WAPL: variants seen among roughly 807,000 people sequenced by gnomAD.
WAPL encodes wings apart-like protein homolog.
Under a neutral mutation model 121.0 loss-of-function variants are expected in WAPL, and 5 were observed. The ratio of observed to expected loss-of-function variants is 0.04; its 90% CI spans 0.02 to 0.09. The LOEUF (loss-of-function observed/expected upper bound fraction) is 0.09. Ranked by LOEUF, WAPL falls within the 10% of genes least tolerant of loss-of-function variation. The pLI is 1.00. For missense variants in WAPL, 999 were observed against 1,410.8 expected (o/e 0.71, Z 4.68); for synonymous variants, 480 against 481.5 (o/e 1.00, Z 0.04).
intron 4 of WAPL, among the ~76,000 whole-genome samples, chr10:86,481,213 GA>G (rs1841775585): frequency 6.6e-6 from 1 of 151,720 alleles, no homozygotes; most frequent in Admixed American, 6.6e-5. Flanking sequence ...GAGGAAGACA[GA>G]AACTAAAGAA....
intron 14 of WAPL, among the ~76,000 whole-genome samples, chr10:86,452,836 T>G (rs956616705): frequency 1.3e-4 from 20 of 151,546 alleles, no homozygotes; most frequent in Middle Eastern, 6.8e-3. Context: ...GGCCAGGAGT[T>G]TGAAACCAGC....
chr10:86,506,423 C>A (rs1047455690), intron 2 of WAPL, among the ~76,000 whole-genome samples: 20 of 152,076 alleles, frequency 1.3e-4, no homozygotes, highest in African/African-American at 4.3e-4. Context: ...TTTTATTTTA[C>A]AATTTAAAAA....
chr10:86,467,577 A>G, intron 8 of WAPL, 71 bp from the exon 9 acceptor site: 1 of 1,099,138 alleles, frequency 9.1e-7, no homozygotes, highest in Non-Finnish European at 1.3e-6. Flanking sequence ...AGGAAATAAG[A>G]CTATTAATGA....
chr10:86,447,930 C>T (rs1011549306), intron 15 of WAPL, among the ~76,000 whole-genome samples: 9 of 152,030 alleles, frequency 5.9e-5, no homozygotes, highest in Admixed American at 2.0e-4. Context: ...AGCTTGTAAT[C>T]CCAGCTACTT....
At chr10:86,508,184 A>T (rs540186220) in intron 2 of WAPL, among the ~76,000 whole-genome samples, 4 of 152,120 alleles carry the variant, frequency 2.6e-5, no homozygotes, top group African/African-American at 9.7e-5. Flanking sequence ...TTTAAGTAAC[A>T]TCTATCTGAA....
At chr10:86,516,061 T>A (rs1842549929) in intron 2 of WAPL, among the ~76,000 whole-genome samples, 1 of 152,024 alleles carries the variant, frequency 6.6e-6, no homozygotes, top group South Asian at 2.1e-4. Context: ...AGAGATGGGG[T>A]TTCACCATGT....
Position 86,462,210 on chromosome 10 carries a change from T to G in WAPL, c.2371-923A>C, listed in dbSNP as rs1841293908. On this transcript the variant is annotated intron_variant, in intron 9 of 18. Coordinates refer to ENST00000298767, the MANE Select transcript of WAPL (RefSeq NM_015045.5). ...AAGAACTTCAGCATAACAAAAGAAA[T>G]GCTTTAACTAGCAAAGACTGACAAG... Among the ~76,000 whole-genome samples, 3 of 152,178 alleles carry G rather than the reference T, an allele frequency of 2.0e-5. No homozygotes were observed. In the South Asian group the frequency reaches 6.2e-4, roughly 31 times the overall value.
chr10:86,488,758 T>C (rs79665871), intron 4 of WAPL, among the ~76,000 whole-genome samples: 12,135 of 152,244 alleles, frequency 0.08, 862 homozygotes, highest in East Asian at 0.38. Flanking sequence ...GCATATACTC[T>C]AACCTACATG....
intron 4 of WAPL, among the ~76,000 whole-genome samples, chr10:86,491,390 C>T (rs1842044225): frequency 2.0e-5 from 3 of 151,906 alleles, no homozygotes; most frequent in African/African-American, 7.3e-5. Flanking sequence ...CCACCCGCCT[C>T]GGCCTCCCAA....
chr10:86,509,497 C>T lies in WAPL; in HGVS notation c.499+8074G>A, dbSNP rs545296745. The stretch of plus-strand genomic sequence containing the variant: ...GTAAGCCCATAGAGTGCTACACTCC[C>T]GCACCACTCTATATATTTTTTCCTT... On this transcript the variant is annotated intron_variant, in intron 2 of 18. Coordinates refer to ENST00000298767, the MANE Select transcript of WAPL (RefSeq NM_015045.5). Among the ~76,000 whole-genome samples the T allele has an allele frequency of 8.5e-5, 13 of 152,276 alleles. No homozygotes were observed. In the South Asian group the frequency reaches 1.0e-3, roughly 12 times the overall value.
intron 9 of WAPL, among the ~76,000 whole-genome samples, chr10:86,464,347 A>G (rs867996539): frequency 5.9e-5 from 9 of 152,150 alleles, no homozygotes; most frequent in Admixed American, 2.0e-4. Flanking sequence ...TCAACAAAAC[A>G]TAAGACAAAT....
intron 17 of WAPL, among the ~76,000 whole-genome samples, chr10:86,440,785 G>C (rs1227153794): frequency 2.6e-5 from 4 of 151,204 alleles, no homozygotes; most frequent in South Asian, 2.1e-4. Context: ...GGGCCACACA[G>C]AGTGGGCTGT....
chr10:86,503,285 TAAAC>T (rs1408471760), intron 2 of WAPL, among the ~76,000 whole-genome samples: 1 of 151,620 alleles, frequency 6.6e-6, no homozygotes, highest in Admixed American at 6.6e-5. Context: ...GGACTAAACT[TAAAC>T]AATGCCTTTA....
At chr10:86,487,332 A>G (rs1428466473) in intron 4 of WAPL, among the ~76,000 whole-genome samples, 1 of 152,220 alleles carries the variant, frequency 6.6e-6, no homozygotes. Context: ...CGAAAGTACC[A>G]AGAACTGCTC....
chr10:86,455,844 AG>A, intron 12 of WAPL, among the ~76,000 whole-genome samples: 1 of 152,326 alleles, frequency 6.6e-6, no homozygotes, highest in South Asian at 2.1e-4. Context: ...CATCTAGATC[AG>A]GGACAAATGG....
Position 86,435,769 on chromosome 10 carries a change from A to G in WAPL, c.*1774T>C, listed in dbSNP as rs1849305315. 1 of 152,418 alleles carries G rather than the reference A, an allele frequency of 6.6e-6. No individual in the cohort carries two copies. Among genetic ancestry groups the G allele is most frequent in the South Asian group, 2.1e-4 (1 of 4,834 alleles). 9.4% of individuals were successfully genotyped at this position (152,418 alleles called of 1,614,324 possible). A position where few individuals can be genotyped will look rare whatever the true frequency, so the allele number is the denominator to read the frequency against. ...GATTGTTCTCATCCAAATGTTTTAT[A>G]ATATTCCTTACCATCTGCCACAAGT... On this transcript the variant is annotated 3_prime_UTR_variant, in exon 19 of 19. Transcript: ENST00000298767.
intron 9 of WAPL, among the ~76,000 whole-genome samples, chr10:86,465,042 T>G (rs1841367861): frequency 6.6e-6 from 1 of 152,196 alleles, no homozygotes; most frequent in African/African-American, 2.4e-5. Context: ...CAGAATCTAT[T>G]ACCACCTCTA....
At chr10:86,461,140 T>A (rs1217869358) in intron 10 of WAPL, 36 bp downstream of exon 10, 2 of 1,486,818 alleles carry the variant, frequency 1.3e-6, no homozygotes, top group Non-Finnish European at 1.9e-6. Flanking sequence ...AGGCTTTAAA[T>A]AATATATAAA....
intron 15 of WAPL, among the ~76,000 whole-genome samples, chr10:86,450,069 G>A (rs913056390): frequency 1.3e-4 from 20 of 152,112 alleles, no homozygotes; most frequent in African/African-American, 3.4e-4. Context: ...TCAATTTCTT[G>A]GTTTTGCTAT....
Sources: allele counts gnomAD v4.1 joint callset (sites outside exome capture counted in the v4.1 genomes callset), GRCh38; gene constraint gnomAD v4.1.1; transcripts MANE v1.5; gene names NCBI Gene and HGNC (gene_info 2026-07-23, HGNC 2026-07-21).